NSUN4: variants seen among roughly 807,000 people sequenced by gnomAD.
NSUN4 encodes 5-cytosine rRNA methyltransferase NSUN4.
In NSUN4, 31 loss-of-function variants were observed where a neutral mutation model predicts 43.8. That is an observed-to-expected ratio of 0.71 (90% CI 0.53 to 0.96). The LOEUF is 0.96. NSUN4 is among the 40% of genes least tolerant of loss of function. NSUN4 has a pLI of 0.00. For synonymous variants in NSUN4, 167 were observed against 184.1 expected, an observed-to-expected ratio of 0.91 and a Z score of 0.75; for missense variants, 439 against 475.6, an observed-to-expected ratio of 0.92 and a Z score of 0.72.
At chr1:46,382,249 T>C in the NSUN4 span, among the ~76,000 whole-genome samples, 7 of 152,212 alleles carry the variant, frequency 4.6e-5, no homozygotes, top group Non-Finnish European at 1.5e-5. Context: ...CAGGAGACAG[T>C]GTTTCCCCGC....
At position 46,344,881 on chromosome 1, in the gene NSUN4, T is replaced by A. The variant is rs1432157888; in HGVS notation, c.174T>A (p.Asp58Glu). ...FDMTYSVQFG[D>E]LWPSIRVSLL... ...TGACTTACAGTGTGCAGTTTGGAGA[T>A]CTTTGGCCATCAATCCGTGTCAGTC... The change falls in exon 2 of 6, where the codon GAT (aspartate) becomes GAA (glutamate). Residue 58 changes from aspartate (D) to glutamate (E), a missense_variant. Transcript: ENST00000474844. 2.5e-6 allele frequency: 4 copies of A among 1,614,100 alleles called. No homozygotes were observed. The highest frequency in any genetic ancestry group is 1.7e-5 in the Admixed American group (1 of 60,002).
downstream of NSUN4, among the ~76,000 whole-genome samples, chr1:46,365,348 T>TGTTTGGTGC (rs1664109357): frequency 6.6e-6 from 1 of 152,118 alleles, no homozygotes; most frequent in Non-Finnish European, 1.5e-5. Flanking sequence ...CTTTTCTTTT[T>TGTTTGGTGC]TTATTTTTTG....
At chr1:46,369,379 T>A (rs1008746648), downstream of NSUN4, among the ~76,000 whole-genome samples, 1 of 152,202 alleles carries the variant, frequency 6.6e-6, no homozygotes, top group African/African-American at 2.4e-5. Flanking sequence ...TAGGCTTAAC[T>A]GTAGACGCTA....
At chr1:46,359,017 G>C (rs1663606463) in intron 4 of NSUN4, among the ~76,000 whole-genome samples, 1 of 152,130 alleles carries the variant, frequency 6.6e-6, no homozygotes, top group African/African-American at 2.4e-5. Flanking sequence ...CAGCACTTTA[G>C]GAGGCTGAGG....
intron 4 of NSUN4, among the ~76,000 whole-genome samples, chr1:46,354,828 CCTGA>C (rs1349648854): frequency 1.4e-5 from 2 of 144,100 alleles, no homozygotes; most frequent in African/African-American, 4.9e-5. Context: ...TGCCACCACG[CCTGA>C]CTAATTTTGT....
At chr1:46,370,544 CT>C in the NSUN4 span, 6,864 of 127,524 alleles carry the variant, frequency 0.054, 573 homozygotes, top group East Asian at 0.42. Flanking sequence ...GAGGTGCTGT[CT>C]TTTTTTTTTT....
At chr1:46,347,449 A>C (rs7555989) in intron 3 of NSUN4, among the ~76,000 whole-genome samples, 44,845 of 151,972 alleles carry the variant, frequency 0.3, 7,310 homozygotes, top group East Asian at 0.49. Context: ...CACACACACA[A>C]AAAAAGAATA....
downstream of NSUN4, among the ~76,000 whole-genome samples, chr1:46,369,883 G>A (rs576592954): frequency 8.5e-5 from 13 of 152,324 alleles, no homozygotes; most frequent in South Asian, 2.5e-3. Context: ...AAAATGATCT[G>A]ATCAGATTTC....
chr1:46,347,447 C>T (rs1662597044), intron 3 of NSUN4, among the ~76,000 whole-genome samples: 1 of 151,946 alleles, frequency 6.6e-6, no homozygotes, highest in African/African-American at 2.4e-5. Context: ...CACACACACA[C>T]AAAAAAAGAA....
intron 3 of NSUN4, among the ~76,000 whole-genome samples, chr1:46,352,085 C>T (rs940870601): frequency 9.9e-5 from 15 of 151,696 alleles, no homozygotes; most frequent in Non-Finnish European, 1.9e-4. Flanking sequence ...ACTTTGGCGT[C>T]CTCCCAAAGT....
chr1:46,370,341 T>A, the NSUN4 span, among the ~76,000 whole-genome samples: 1 of 152,192 alleles, frequency 6.6e-6, no homozygotes, highest in African/African-American at 2.4e-5. Flanking sequence ...ATGAGTGTTT[T>A]CTGAATTATC....
the NSUN4 span, among the ~76,000 whole-genome samples, chr1:46,371,676 G>A: frequency 6.6e-6 from 1 of 152,038 alleles, no homozygotes; most frequent in Non-Finnish European, 1.5e-5. Context: ...TCCTGACTTC[G>A]TGATCCCCCC....
chr1:46,348,951 A>G (rs947391111), intron 3 of NSUN4, among the ~76,000 whole-genome samples: 8 of 149,948 alleles, frequency 5.3e-5, no homozygotes, highest in Admixed American at 2.0e-4. Context: ...AGTAGCTGGG[A>G]TTACAGGCAC....
At chr1:46,340,962 A>G (rs754828035) in intron 1 of NSUN4, 43 bp downstream of exon 1, 1 of 1,523,506 alleles carries the variant, frequency 6.6e-7, no homozygotes, top group East Asian at 2.3e-5. Context: ...GTGAGGGTGG[A>G]AACTTCTCCA....
chr1:46,377,774 A>T, the NSUN4 span, among the ~76,000 whole-genome samples: 2 of 152,228 alleles, frequency 1.3e-5, no homozygotes, highest in African/African-American at 2.4e-5. Flanking sequence ...TAAGTCATTT[A>T]ATTCCCACGG....
intron 2 of NSUN4, chr1:46,345,451 A>G: frequency 7.0e-6 from 2 of 287,662 alleles, no homozygotes; most frequent in Non-Finnish European, 1.3e-5. Context: ...ATTTAGACCC[A>G]GAACCTGCAC....
intron 2 of NSUN4, among the ~76,000 whole-genome samples, chr1:46,346,115 T>C (rs1336502481): frequency 6.8e-5 from 9 of 132,682 alleles, no homozygotes; most frequent in Admixed American, 2.4e-4. Context: ...CGTGCCACCG[T>C]ACTCCAGTCT....
chr1:46,383,837 A>C, the NSUN4 span, among the ~76,000 whole-genome samples: 1 of 152,060 alleles, frequency 6.6e-6, no homozygotes, highest in African/African-American at 2.4e-5. Flanking sequence ...TCTTCTCAGC[A>C]AGGCAATTTA....
the NSUN4 span, among the ~76,000 whole-genome samples, chr1:46,384,871 A>G: frequency 5.9e-5 from 9 of 151,776 alleles, no homozygotes; most frequent in Admixed American, 5.9e-4. Flanking sequence ...TGTCCTGGCA[A>G]CTCCAAAGGT....
Sources: allele counts gnomAD v4.1 joint callset (sites outside exome capture counted in the v4.1 genomes callset), GRCh38; gene constraint gnomAD v4.1.1; transcripts MANE v1.5; gene names NCBI Gene and HGNC (gene_info 2026-07-23, HGNC 2026-07-21).